Variants in MAP4K5 observed in about 807,000 individuals in gnomAD.
MAP4K5 encodes mitogen-activated protein kinase kinase kinase kinase 5, also known as MAPK/ERK kinase kinase kinase 5.
In MAP4K5, 82 loss-of-function variants were observed where a neutral mutation model predicts 135.6. The observed-to-expected ratio is 0.60, with a 90% confidence interval of 0.51 to 0.73. The LOEUF (loss-of-function observed/expected upper bound fraction) is 0.73. MAP4K5 is among the 30% of genes least tolerant of loss of function. MAP4K5 has a pLI of 0.00. For synonymous variants in MAP4K5, 347 were observed against 335.0 expected (o/e 1.04, Z -0.39); for missense variants, 907 against 1,010.9 (o/e 0.90, Z 1.39).
intron 14 of MAP4K5, chr14:50,449,187 G>C (rs2036427958): frequency 5.7e-6 from 1 of 175,990 alleles, no homozygotes; most frequent in African/African-American, 2.4e-5. Flanking sequence ...TTAAGCTACA[G>C]CTTCATGGCA....
intron 14 of MAP4K5, chr14:50,449,607 T>C (rs1352875417): frequency 6.6e-6 from 1 of 152,100 alleles, no homozygotes; most frequent in East Asian, 1.9e-4. Flanking sequence ...ACAAGATTTG[T>C]AAAAAGCAAA....
At chr14:50,446,989 A>G (rs17841028) in intron 16 of MAP4K5, among the ~76,000 whole-genome samples, 4,330 of 152,262 alleles carry the variant, frequency 0.028, 190 homozygotes, top group African/African-American at 0.098. Context: ...CTCCAAATGT[A>G]TAGGCCTAAT....
In MAP4K5 at chr14:50,434,487, C is replaced by T. The variant is rs1566637508; in HGVS notation, c.2071G>A (p.Ala691Thr). The T allele has an allele frequency of 6.2e-7, 1 of 1,607,902 alleles. No individual in the cohort carries two copies. Among genetic ancestry groups the T allele is most frequent in the Non-Finnish European group, 8.5e-7 (1 of 1,177,052 alleles). The change falls in exon 28 of 33, where the codon GCT becomes ACT. Residue 691 changes from alanine (A) to threonine (T), a missense_variant. Physicochemically the swap from Ala to Thr is moderately conservative, Grantham distance 58. Around this residue, in one of 3 missense-constraint regions of MAP4K5, gnomAD observed 690 missense variants for 777.4 expected, o/e 0.89. Coordinates refer to ENST00000682126, the MANE Select transcript of MAP4K5 (RefSeq NM_006575.6). ...TTCGATTCAGTGCCTTTGCTAATAGCTACACAGACCATAGGGTATTCCTGT... is the reference window on the plus strand; with the variant it reads ...TTCGATTCAGTGCCTTTGCTAATAGTTACACAGACCATAGGGTATTCCTGT... ...PEQEYPMVCV[A>T]ISKGTESNQV...
intron 27 of MAP4K5, 138 bp downstream of exon 27, chr14:50,434,824 C>A: frequency 1.5e-6 from 1 of 647,636 alleles, no homozygotes. Context: ...AACACAAAAA[C>A]CTCTAAATCA....
Position 50,511,117 on chromosome 14 carries a change from T to C in MAP4K5, c.109-6260A>G, listed in dbSNP as rs150079715. Among the ~76,000 whole-genome samples the C allele has an allele frequency of 1.2e-3, 180 of 152,334 alleles. 3 individuals are homozygous for C. In the East Asian group the frequency reaches 0.027, roughly 23 times the overall value. On this transcript the variant is annotated intron_variant, in intron 2 of 32. Transcript: ENST00000682126. ...GTAAATCCATACAGTGGAATGTTTA[T>C]TGCAGCACTATTCACGACAGCCAAG...
chr14:50,441,743 T>TACACACACACACACAC (rs57651486), intron 21 of MAP4K5, among the ~76,000 whole-genome samples: 1 of 141,536 alleles, frequency 7.1e-6, no homozygotes, highest in African/African-American at 2.6e-5. Flanking sequence ...AATTATTTTA[T>TACACACACACACACAC]ACACACACAC....
At chr14:50,549,987 G>A (rs2038681449) in intron 1 of MAP4K5, among the ~76,000 whole-genome samples, 1 of 152,224 alleles carries the variant, frequency 6.6e-6, no homozygotes. Flanking sequence ...GCCATACTGT[G>A]CTCCTAAGAA....
chr14:50,508,955 A>G (rs893478510), intron 2 of MAP4K5, among the ~76,000 whole-genome samples: 2 of 152,202 alleles, frequency 1.3e-5, no homozygotes, highest in Non-Finnish European at 2.9e-5. Flanking sequence ...GGCACTATTC[A>G]CAATAGTAAA....
At chr14:50,496,280 T>G (rs993208028) in intron 3 of MAP4K5, among the ~76,000 whole-genome samples, 1 of 151,668 alleles carries the variant, frequency 6.6e-6, no homozygotes, top group Non-Finnish European at 1.5e-5. Context: ...GAGCCAAGAT[T>G]GTGCCATTGC....
rs1229000371 is a variant in MAP4K5, at chr14:50,446,187, T to C, written c.1143-66A>G. ...ACCGTAACCGAAAACACAGATACTATTAAATATGTATTAAAATCAGTTTCT... is the reference window on the plus strand; with the variant it reads ...ACCGTAACCGAAAACACAGATACTACTAAATATGTATTAAAATCAGTTTCT... On this transcript the variant is annotated intron_variant, in intron 16 of 32. Coordinates refer to ENST00000682126, the MANE Select transcript of MAP4K5 (RefSeq NM_006575.6). 17 of 918,920 alleles carry C rather than the reference T, an allele frequency of 1.8e-5. No individual in the cohort carries two copies. In the South Asian group the frequency reaches 2.6e-4, roughly 14 times the overall value. The allele number at this position is 918,920 out of a possible 1,614,324, so 56.9% of individuals were successfully genotyped here.
At chr14:50,510,694 A>T (rs1438243087) in intron 2 of MAP4K5, among the ~76,000 whole-genome samples, 1 of 152,220 alleles carries the variant, frequency 6.6e-6, no homozygotes, top group African/African-American at 2.4e-5. Flanking sequence ...ATTTGAAAAA[A>T]ATTACTACAA....
chr14:50,484,539 C>G (rs1454851480), intron 5 of MAP4K5, among the ~76,000 whole-genome samples: 1 of 152,026 alleles, frequency 6.6e-6, no homozygotes. Flanking sequence ...TTTTAAAAGC[C>G]TAAGTATGAC....
At chr14:50,507,850 G>T (rs1281540864) in intron 2 of MAP4K5, among the ~76,000 whole-genome samples, 1 of 152,186 alleles carries the variant, frequency 6.6e-6, no homozygotes, top group Non-Finnish European at 1.5e-5. Context: ...GAGTTCTGTA[G>T]ATGTCTATTG....
chr14:50,560,095 C>T, intron 1 of MAP4K5: 1 of 713,090 alleles, frequency 1.4e-6, no homozygotes. Flanking sequence ...TCTGCTTTCT[C>T]CTCCCTTTTC....
At chr14:50,454,225 T>G (rs2036551811) in intron 14 of MAP4K5, among the ~76,000 whole-genome samples, 1 of 152,188 alleles carries the variant, frequency 6.6e-6, no homozygotes, top group Non-Finnish European at 1.5e-5. Flanking sequence ...CCAGTTTATG[T>G]GACAGAGATC....
intron 21 of MAP4K5, among the ~76,000 whole-genome samples, chr14:50,441,148 C>A (rs2036216934): frequency 6.6e-6 from 1 of 152,162 alleles, no homozygotes; most frequent in South Asian, 2.1e-4. Context: ...AGAAGATAAA[C>A]TGTCAATGGC....
intron 13 of MAP4K5, among the ~76,000 whole-genome samples, chr14:50,457,459 C>A (rs1194129984): frequency 6.6e-6 from 1 of 152,110 alleles, no homozygotes; most frequent in East Asian, 1.9e-4. Context: ...TTCAGCTCAA[C>A]CCCTATTTAC....
chr14:50,475,079 G>T lies in MAP4K5; in HGVS notation c.540C>A (p.Tyr180Ter). Reference sequence around the variant, plus strand: ...ATTCAATCACAGTAATGTCTTACCAGTAAGGGGTGCCAATGAAAGATTTTC... The same window carrying T: ...ATTCAATCACAGTAATGTCTTACCATTAAGGGGTGCCAATGAAAGATTTTC... ...AKRKSFIGTP[Y>*]WMAPEVAAVE... The change falls in exon 9 of 33, where the codon TAC (tyrosine) becomes TAA (stop). Residue 180 changes from tyrosine to a stop codon, truncating the protein, a stop_gained and splice_region_variant. Transcript: ENST00000682126. LOFTEE classifies it high-confidence loss of function. 6.2e-7 allele frequency: 1 copy of T among 1,612,572 alleles called. No individual in the cohort carries two copies. Among genetic ancestry groups the T allele is most frequent in the Non-Finnish European group, 8.5e-7 (1 of 1,178,662 alleles).
intron 2 of MAP4K5, among the ~76,000 whole-genome samples, chr14:50,518,186 C>T (rs1008012085): frequency 1.1e-4 from 17 of 152,190 alleles, no homozygotes; most frequent in African/African-American, 4.1e-4. Flanking sequence ...TTATAAATGA[C>T]CATTTGTAAA....
Sources: gnomAD v4.1 joint callset for allele counts (sites outside exome capture counted in the v4.1 genomes callset) on GRCh38, gnomAD v4.1.1 for gene constraint, gnomAD v4.1.1 regional missense constraint, MANE v1.5 for transcripts, NCBI Gene and HGNC (gene_info 2026-07-23, HGNC 2026-07-21) for gene names.